The following PNLIPRP3 variants were observed in gnomAD, a reference collection of about 807,000 sequenced individuals.
The protein encoded by PNLIPRP3 is pancreatic lipase-related protein 3.
PNLIPRP3 carries 58 observed loss-of-function variants against 52.8 expected under a neutral mutation model. That is an observed-to-expected ratio of 1.10 (90% confidence interval 0.89 to 1.37). PNLIPRP3 has a LOEUF of 1.37. Ranked by LOEUF, PNLIPRP3 falls within the 40% of genes most tolerant of loss-of-function variation. The probability of loss-of-function intolerance (pLI) is 0.00; values close to 1 mark genes in which losing one functional copy is unlikely to be tolerated. For missense variants in PNLIPRP3, 593 were observed against 561.6 expected, an observed-to-expected ratio of 1.06 and a Z score of -0.57; for synonymous variants, 192 against 185.0, an observed-to-expected ratio of 1.04 and a Z score of -0.31.
chr10:116,445,789 TG>T (rs1250806334), intron 4 of PNLIPRP3, among the ~76,000 whole-genome samples: 1 of 152,140 alleles, frequency 6.6e-6, no homozygotes, highest in African/African-American at 2.4e-5. Context: ...CCAGGGCCTC[TG>T]GGGATAATTC....
intron 1 of PNLIPRP3, among the ~76,000 whole-genome samples, chr10:116,434,061 T>C (rs928447974): frequency 2.0e-5 from 3 of 152,228 alleles, no homozygotes; most frequent in Non-Finnish European, 4.4e-5. Context: ...TTTTCACATG[T>C]ATGACACATA....
intron 4 of PNLIPRP3, among the ~76,000 whole-genome samples, chr10:116,454,792 G>C (rs909237909): frequency 6.6e-6 from 1 of 152,124 alleles, no homozygotes; most frequent in Non-Finnish European, 1.5e-5. Flanking sequence ...ATTCATTGAT[G>C]GACACAGGTT....
At chr10:116,459,067 T>A (rs568900159) in intron 5 of PNLIPRP3, among the ~76,000 whole-genome samples, 1 of 152,144 alleles carries the variant, frequency 6.6e-6, no homozygotes, top group African/African-American at 2.4e-5. Context: ...CCTCCCGCCT[T>A]GCTGAAGTGC....
At position 116,436,740 on chromosome 10, in the gene PNLIPRP3, T is replaced by G; in HGVS notation, c.79T>G (p.Cys27Gly). 6.2e-7 allele frequency: 1 copy of G among 1,612,878 alleles called. No individual in the cohort carries two copies. The highest frequency in any genetic ancestry group is 1.1e-5 in the South Asian group (1 of 90,868). The change falls in exon 2 of 12, where the codon TGT (cysteine) becomes GGT (glycine). Residue 27 changes from cysteine (C) to glycine (G), a missense_variant. By Grantham distance (159) the Cys-to-Gly change is radical (BLOSUM62 -3). Coordinates refer to ENST00000369230, the MANE Select transcript of PNLIPRP3 (RefSeq NM_001011709.3). Reference sequence around the variant, plus strand: ...AGAAGTTTGCTATGAAAGGTTAGGGTGTTTCAAAGATGGTTTACCATGGAC... The same window carrying G: ...AGAAGTTTGCTATGAAAGGTTAGGGGGTTTCAAAGATGGTTTACCATGGAC... ...GKEVCYERLGCFKDGLPWTRT... is the reference protein window; with the variant it reads ...GKEVCYERLGGFKDGLPWTRT...
At chr10:116,464,481 C>CTGCTGACCTGGA (rs770402064) in intron 7 of PNLIPRP3, among the ~76,000 whole-genome samples, 2 of 152,206 alleles carry the variant, frequency 1.3e-5, no homozygotes, top group African/African-American at 2.4e-5. Flanking sequence ...TCAGCTCACT[C>CTGCTGACCTGGA]TGCTGACCTG....
intron 7 of PNLIPRP3, 133 bp downstream of exon 7, chr10:116,461,423 A>ATT: frequency 7.2e-6 from 8 of 1,104,374 alleles, no homozygotes; most frequent in Non-Finnish European, 1.0e-5. Context: ...TGCATATAAG[A>ATT]AGCTCTCCCA....
intron 4 of PNLIPRP3, among the ~76,000 whole-genome samples, chr10:116,453,534 C>T (rs1449381119): frequency 6.6e-6 from 1 of 152,038 alleles, no homozygotes; most frequent in African/African-American, 2.4e-5. Flanking sequence ...ATGTCATCCC[C>T]AATTTGGAAA....
At chr10:116,454,435 T>C (rs1487925748) in intron 4 of PNLIPRP3, among the ~76,000 whole-genome samples, 1 of 152,190 alleles carries the variant, frequency 6.6e-6, no homozygotes, top group East Asian at 1.9e-4. Flanking sequence ...CATTTTTTAA[T>C]AATGAGAGTG....
In PNLIPRP3 at chr10:116,443,139, A is replaced by T; in HGVS notation, c.289A>T (p.Lys97Ter). The T allele has an allele frequency of 6.2e-7, 1 of 1,611,248 alleles. No homozygotes were observed. The highest frequency in any genetic ancestry group is 8.5e-7 in the Non-Finnish European group (1 of 1,178,322). Residue 97 changes from lysine to a stop codon, truncating the protein, a stop_gained, in exon 3 of 12, where the codon AAA becomes TAA. Coordinates refer to ENST00000369230, the MANE Select transcript of PNLIPRP3 (RefSeq NM_001011709.3). LOFTEE classifies it high-confidence loss of function. Reference protein sequence around the residue: ...KITRINIAGWKTDGKWQRDMC... With the variant: ...KITRINIAGW Reference sequence around the variant, plus strand: ...CACCCGTATCAACATAGCTGGATGGAAAACAGATGGCAAATGGCAGAGAGA... The same window carrying T: ...CACCCGTATCAACATAGCTGGATGGTAAACAGATGGCAAATGGCAGAGAGA...
chr10:116,445,777 C>T (rs1413200125), intron 4 of PNLIPRP3, among the ~76,000 whole-genome samples: 1 of 152,168 alleles, frequency 6.6e-6, no homozygotes, highest in Non-Finnish European at 1.5e-5. Flanking sequence ...GGTGAGTGGG[C>T]TCCAGGGCCT....
chr10:116,442,602 GCCTATAATC>G (rs1845874194), intron 2 of PNLIPRP3, among the ~76,000 whole-genome samples: 1 of 152,102 alleles, frequency 6.6e-6, no homozygotes, highest in Non-Finnish European at 1.5e-5. Flanking sequence ...GGTGGCTCGT[GCCTATAATC>G]CCAGCAACTT....
chr10:116,467,231 C>T (rs1846294448), intron 8 of PNLIPRP3, among the ~76,000 whole-genome samples: 1 of 152,136 alleles, frequency 6.6e-6, no homozygotes, highest in South Asian at 2.1e-4. Context: ...AATAGTCATA[C>T]AATCAAAGTG....
At chr10:116,429,268 G>T (rs904179649) in intron 1 of PNLIPRP3, among the ~76,000 whole-genome samples, 3 of 152,066 alleles carry the variant, frequency 2.0e-5, no homozygotes, top group African/African-American at 4.8e-5. Context: ...AATGAATTTT[G>T]TGTTAAGACT....
chr10:116,446,800 C>T (rs982185359), intron 4 of PNLIPRP3, among the ~76,000 whole-genome samples: 7 of 152,160 alleles, frequency 4.6e-5, no homozygotes, highest in Non-Finnish European at 7.3e-5. Flanking sequence ...ATTTGAGATA[C>T]CTTCTTGTCT....
intron 2 of PNLIPRP3, among the ~76,000 whole-genome samples, chr10:116,437,641 A>T (rs1411599866): frequency 6.6e-6 from 1 of 152,116 alleles, no homozygotes; most frequent in Non-Finnish European, 1.5e-5. Flanking sequence ...CTTTTCAGAG[A>T]TGCTTTAGGG....
At chr10:116,439,760 G>A in intron 2 of PNLIPRP3, 1 of 770,582 alleles carries the variant, frequency 1.3e-6, no homozygotes. Context: ...AATCCAGACG[G>A]TGGCCTTTTA....
intron 7 of PNLIPRP3, among the ~76,000 whole-genome samples, chr10:116,463,219 T>TA (rs1554853869): frequency 6.6e-6 from 1 of 152,164 alleles, no homozygotes; most frequent in South Asian, 2.1e-4. Context: ...ACAAGAAAAA[T>TA]TGTTATTGCC....
At chr10:116,448,296 A>G (rs1358777152) in intron 4 of PNLIPRP3, among the ~76,000 whole-genome samples, 4 of 152,332 alleles carry the variant, frequency 2.6e-5, no homozygotes, top group Admixed American at 1.3e-4. Context: ...GTGAACAAGT[A>G]AAAGTGTTGA....
rs1171631432 is a variant in PNLIPRP3 at position 116,461,097 on chromosome 10, C to T, written c.685+12C>T. On this transcript the variant is annotated intron_variant, in intron 6 of 11. Transcript: ENST00000369230. ...CCTCTTTGAGCTTGGTAAGTTTTAA[C>T]AGAATCAGAAACTTCATTGAAGCAT... 1 of 1,614,142 alleles carries T rather than the reference C, an allele frequency of 6.2e-7. No individual in the cohort carries two copies. Among genetic ancestry groups the T allele is most frequent in the Admixed American group, 1.7e-5 (1 of 60,020 alleles).
Sources: gnomAD v4.1 joint callset for allele counts (sites outside exome capture counted in the v4.1 genomes callset) on GRCh38, gnomAD v4.1.1 for gene constraint, MANE v1.5 for transcripts, NCBI Gene and HGNC (gene_info 2026-07-23, HGNC 2026-07-21) for gene names.